Variants in PIK3CD observed in about 807,000 individuals in gnomAD.
The protein encoded by PIK3CD is phosphatidylinositol-4,5-bisphosphate 3-kinase catalytic subunit delta.
Under a neutral mutation model 122.9 loss-of-function variants are expected in PIK3CD, and 20 were observed. That is an observed-to-expected ratio of 0.16 (90% CI 0.11 to 0.24). The LOEUF (loss-of-function observed/expected upper bound fraction) is 0.24. Among genes scored for constraint, PIK3CD ranks in the 10% least tolerant of loss-of-function variants. PIK3CD has a pLI of 1.00. For synonymous variants in PIK3CD, 596 were observed against 593.4 expected, an observed-to-expected ratio of 1.00 and a Z score of -0.06; for missense variants, 787 against 1,406.3, an observed-to-expected ratio of 0.56 and a Z score of 7.04.
intron 2 of PIK3CD, among the ~76,000 whole-genome samples, chr1:9,692,755 C>A (rs933820992): frequency 2.0e-5 from 3 of 151,890 alleles, no homozygotes; most frequent in Non-Finnish European, 2.9e-5. Context: ...TAAAATAAAT[C>A]AAAATATAAA....
chr1:9,695,779 C>A (rs1450391335), intron 2 of PIK3CD, among the ~76,000 whole-genome samples: 1 of 150,352 alleles, frequency 6.7e-6, no homozygotes, highest in African/African-American at 2.5e-5. Flanking sequence ...GAGGCGGAGG[C>A]TGCAGTGAGC....
chr1:9,635,148 T>C, the PIK3CD span, among the ~76,000 whole-genome samples: 1 of 151,796 alleles, frequency 6.6e-6, no homozygotes, highest in Non-Finnish European at 1.5e-5. Context: ...GGTGGTGCAC[T>C]CCTGTAATCC....
At chr1:9,702,731 G>A (rs1417351768) in intron 2 of PIK3CD, among the ~76,000 whole-genome samples, 1 of 151,616 alleles carries the variant, frequency 6.6e-6, no homozygotes. Context: ...ATGTTGGTCA[G>A]GCTGGTTTCG....
At chr1:9,725,052 T>C (rs1649295689) in intron 23 of PIK3CD, 116 bp downstream of exon 23, 1 of 1,299,068 alleles carries the variant, frequency 7.7e-7, no homozygotes, top group Non-Finnish European at 1.1e-6. Flanking sequence ...GAGCTGTGTG[T>C]GCCTCATGCC....
intron 1 of PIK3CD, among the ~76,000 whole-genome samples, chr1:9,671,295 C>T (rs557609051): frequency 1.3e-4 from 20 of 152,266 alleles, no homozygotes; most frequent in African/African-American, 4.6e-4. Flanking sequence ...GACAGGGTTT[C>T]ACCGTGTTGC....
chr1:9,726,801 T>G lies in PIK3CD; in HGVS notation c.2998-108T>G, dbSNP rs1570412668. On this transcript the variant is annotated intron_variant, in intron 23 of 23. Coordinates refer to ENST00000377346, the MANE Select transcript of PIK3CD (RefSeq NM_005026.5). ...GAGCTTTTCCTGAGATGCTGGGAGC[T>G]CTCTACTAACCATTTCATTCAGTGA... 2.2e-6 allele frequency: 3 copies of G among 1,376,970 alleles called. No homozygotes were observed. The East Asian group carries it at 7.2e-5, about 33-fold the overall frequency. The allele number at this position is 1,376,970 out of a possible 1,614,324, so 85.3% of individuals were successfully genotyped here.
Position 9,704,814 on chromosome 1 carries a change from G to C in PIK3CD, c.-32-5610G>C, listed in dbSNP as rs946770770. 6.6e-6 allele frequency among the ~76,000 whole-genome samples: 1 copy of C among 152,184 alleles called. No homozygotes were observed. Among genetic ancestry groups the C allele is most frequent in the Non-Finnish European group, 1.5e-5 (1 of 68,038 alleles). On this transcript the variant is annotated intron_variant, in intron 2 of 23. Coordinates refer to ENST00000377346, the MANE Select transcript of PIK3CD (RefSeq NM_005026.5). The surrounding 1 kb of genome is among the most constrained non-coding windows in gnomAD (Gnocchi z 5.0). ...CAGGCGTGAGCCACCACGCCCAGCC[G>C]GTCCCCCAAGTTTTGAAACAAAAGG...
At position 9,727,264 on chromosome 1, in the gene PIK3CD, T is replaced by C. The variant is rs1570415159; in HGVS notation, c.*218T>C. The C allele has an allele frequency of 5.0e-6, 3 of 600,080 alleles. No homozygotes were observed. The highest frequency in any genetic ancestry group is 8.8e-6 in the Non-Finnish European group (3 of 339,742). 37.2% of individuals were successfully genotyped at this position (600,080 alleles called of 1,614,324 possible). Reference sequence around the variant, plus strand: ...CGCCTCCTTCATGCAGCGGCGGTGCTGGGCCCCCCGAGGCTGCACCTGGCT... The same window carrying C: ...CGCCTCCTTCATGCAGCGGCGGTGCCGGGCCCCCCGAGGCTGCACCTGGCT... On this transcript the variant is annotated 3_prime_UTR_variant, in exon 24 of 24. Coordinates refer to ENST00000377346, the MANE Select transcript of PIK3CD (RefSeq NM_005026.5).
rs558091670 is a variant in PIK3CD at position 9,679,508 on chromosome 1, C to T, written c.-137-11959C>T. 9.2e-4 allele frequency among the ~76,000 whole-genome samples: 140 copies of T among 151,786 alleles called. 1 individual carries two copies. Among genetic ancestry groups the T allele is most frequent in the Non-Finnish European group, 1.5e-3 (99 of 68,024 alleles). ...GGCCAAGTAGGCTGAGCGCCCCACA[C>T]CCACATCGCCTGTTTACCTCTCAAT... On this transcript the variant is annotated intron_variant, in intron 1 of 23. Transcript: ENST00000377346.
At chr1:9,690,934 G>A (rs1371424323) in intron 1 of PIK3CD, among the ~76,000 whole-genome samples, 1 of 152,072 alleles carries the variant, frequency 6.6e-6, no homozygotes, top group Non-Finnish European at 1.5e-5. Context: ...TTCCTGGAGC[G>A]GCTGAGGTGG....
rs1245899793 is a variant in PIK3CD at position 9,700,624 on chromosome 1, C to T, written c.-33+9053C>T. ...CCCGCTCTGTGTCTAGGCCGTCTCA[C>T]CTGCCCCTCCCCGGCTCCACATCTG... On this transcript the variant is annotated intron_variant, in intron 2 of 23. Transcript: ENST00000377346. The surrounding 1 kb of genome is among the most constrained non-coding windows in gnomAD (Gnocchi z 5.1). Among the ~76,000 whole-genome samples, 1 of 152,156 alleles carries T rather than the reference C, an allele frequency of 6.6e-6. No homozygotes were observed. The highest frequency in any genetic ancestry group is 1.9e-4 in the East Asian group (1 of 5,182).
intron 1 of PIK3CD, among the ~76,000 whole-genome samples, chr1:9,670,326 T>G (rs1645286093): frequency 1.3e-5 from 2 of 152,198 alleles, no homozygotes; most frequent in Non-Finnish European, 2.9e-5. Context: ...ACAGCCCATC[T>G]GCTGTCATTT....
intron 2 of PIK3CD, among the ~76,000 whole-genome samples, chr1:9,699,962 C>A (rs1283778304): frequency 6.6e-6 from 1 of 152,266 alleles, no homozygotes; most frequent in South Asian, 2.1e-4. Context: ...ATCCTTCTCT[C>A]ACTTGAGCCT....
chr1:9,721,793 G>T lies in PIK3CD; in HGVS notation c.1988G>T (p.Arg663Leu). The change falls in exon 16 of 24, where the codon CGC becomes CTC. Residue 663 changes from arginine (R) to leucine (L), a missense_variant. Physicochemically the swap from Arg to Leu is moderately radical, Grantham distance 102. Transcript: ENST00000377346. ...SEMHVPSVAL[R>L]FGLILEAYCR... ...ATGCACGTGCCGTCGGTGGCCCTGC[G>T]CTTCGGCCTCATCCTGGAGGCCTAC... 6.2e-7 allele frequency: 1 copy of T among 1,613,202 alleles called. No homozygotes were observed. The highest frequency in any genetic ancestry group is 1.7e-5 in the Admixed American group (1 of 60,032).
Position 9,652,088 on chromosome 1 carries a change from C to T in PIK3CD, c.-138+286C>T, listed in dbSNP as rs1431379339. On this transcript the variant is annotated intron_variant, in intron 1 of 23. Coordinates refer to ENST00000377346, the MANE Select transcript of PIK3CD (RefSeq NM_005026.5). The surrounding 1 kb of genome is among the most constrained non-coding windows in gnomAD (Gnocchi z 6.2). The stretch of plus-strand genomic sequence containing the variant: ...GGCGTGCGCAGCTCCCCGGCGCCTG[C>T]ACTGCGCGCCTTGCCCGCCTGGCCC... Among the ~76,000 whole-genome samples the T allele has an allele frequency of 6.6e-6, 1 of 151,916 alleles. No homozygotes were observed. The highest frequency in any genetic ancestry group is 1.5e-5 in the Non-Finnish European group (1 of 67,950).
At chr1:9,645,277 C>T in the PIK3CD span, among the ~76,000 whole-genome samples, 1 of 152,032 alleles carries the variant, frequency 6.6e-6, no homozygotes, top group South Asian at 2.1e-4. Flanking sequence ...CCTCGGCCTC[C>T]CAAAGTGCTG....
At chr1:9,676,382 TC>T (rs1483972101) in intron 1 of PIK3CD, among the ~76,000 whole-genome samples, 5 of 152,194 alleles carry the variant, frequency 3.3e-5, no homozygotes, top group Non-Finnish European at 5.9e-5. Flanking sequence ...CTCTTGAAGG[TC>T]CTTGTGTCTG....
intron 2 of PIK3CD, among the ~76,000 whole-genome samples, chr1:9,708,171 T>TG (rs1646915138): frequency 6.6e-6 from 1 of 150,924 alleles, no homozygotes; most frequent in African/African-American, 2.5e-5. Context: ...ACATACAGGC[T>TG]TTTTGTTTGT....
At position 9,716,087 on chromosome 1, in the gene PIK3CD, A is replaced by G. The variant is rs1647375496; in HGVS notation, c.600+9A>G. 6.2e-7 allele frequency: 1 copy of G among 1,607,004 alleles called. No individual in the cohort carries two copies. The highest frequency in any genetic ancestry group is 8.5e-7 in the Non-Finnish European group (1 of 1,175,808). On this transcript the variant is annotated intron_variant, in intron 5 of 23. Transcript: ENST00000377346. ...AGTTTGAGGGCAGCGAGGTGAGCCC[A>G]TGCGTGGCCTGCGGCATCCAGGCTG...
Sources: allele counts gnomAD v4.1 joint callset (sites outside exome capture counted in the v4.1 genomes callset), GRCh38; gene constraint gnomAD v4.1.1; non-coding constraint Gnocchi (gnomAD v3.1); transcripts MANE v1.5; gene names NCBI Gene and HGNC (gene_info 2026-07-23, HGNC 2026-07-21).